The following CHRM3 variants were observed in gnomAD, a reference collection of about 807,000 sequenced individuals.
CHRM3 encodes the protein muscarinic acetylcholine receptor M3.
Under a neutral mutation model 41.8 loss-of-function variants are expected in CHRM3, and 11 were observed. That is an observed-to-expected ratio of 0.26 (90% confidence interval 0.17 to 0.44). The LOEUF is 0.44. Ranked by LOEUF, CHRM3 falls within the 20% of genes least tolerant of loss-of-function variation. The probability of loss-of-function intolerance (pLI) is 1.00; values close to 1 mark genes in which losing one functional copy is unlikely to be tolerated. For synonymous variants in CHRM3, 297 were observed against 301.4 expected, an observed-to-expected ratio of 0.99 and a Z score of 0.15; for missense variants, 571 against 745.4, an observed-to-expected ratio of 0.77 and a Z score of 2.72.
intron 4 of CHRM3, among the ~76,000 whole-genome samples, chr1:239,650,209 A>G (rs1290774005): frequency 1.3e-5 from 2 of 152,194 alleles, no homozygotes; most frequent in Non-Finnish European, 2.9e-5. Flanking sequence ...CTTCTGTAAC[A>G]TGGAGATGAT....
chr1:239,486,988 T>G (rs2148035731), intron 1 of CHRM3, among the ~76,000 whole-genome samples: 1 of 152,370 alleles, frequency 6.6e-6, no homozygotes. Flanking sequence ...GATTTTGACA[T>G]TTATTGCAAT....
intron 1 of CHRM3, among the ~76,000 whole-genome samples, chr1:239,468,233 T>A (rs1332499598): frequency 6.6e-6 from 1 of 152,200 alleles, no homozygotes; most frequent in African/African-American, 2.4e-5. Flanking sequence ...TGCCATTTTT[T>A]AAATTGATAA....
chr1:239,844,413 C>T (rs74149241), intron 6 of CHRM3, among the ~76,000 whole-genome samples: 7,091 of 152,210 alleles, frequency 0.047, 486 homozygotes, highest in African/African-American at 0.15. Context: ...GAAAGAAATA[C>T]AGTATCTAGA....
intron 1 of CHRM3, among the ~76,000 whole-genome samples, chr1:239,414,011 T>A (rs1661309748): frequency 6.6e-6 from 1 of 152,182 alleles, no homozygotes; most frequent in Admixed American, 6.5e-5. Context: ...GGGTTCCTGA[T>A]GGAAAGAATT....
chr1:239,541,665 C>T (rs991041813), intron 2 of CHRM3, among the ~76,000 whole-genome samples: 1 of 152,086 alleles, frequency 6.6e-6, no homozygotes. Context: ...GCGTGTGCCA[C>T]TGCGCCAGGC....
chr1:239,886,863 C>A (rs1404279249), intron 6 of CHRM3, among the ~76,000 whole-genome samples: 2 of 152,168 alleles, frequency 1.3e-5, no homozygotes, highest in African/African-American at 4.8e-5. Context: ...ACTTGGAGAA[C>A]AACCCTCCAT....
chr1:239,565,513 GT>G (rs1440969720), intron 3 of CHRM3, among the ~76,000 whole-genome samples: 2 of 152,072 alleles, frequency 1.3e-5, no homozygotes, highest in Non-Finnish European at 2.9e-5. Flanking sequence ...ATGAAACTGT[GT>G]TGTTCTGTGC....
At chr1:239,799,484 T>C (rs760223720) in intron 5 of CHRM3, among the ~76,000 whole-genome samples, 20 of 152,134 alleles carry the variant, frequency 1.3e-4, no homozygotes, top group Non-Finnish European at 1.9e-4. Context: ...AGCCCGCTCA[T>C]GGAATCCCTC....
At chr1:239,658,080 A>G (rs956511198) in intron 4 of CHRM3, among the ~76,000 whole-genome samples, 35 of 152,184 alleles carry the variant, frequency 2.3e-4, no homozygotes, top group African/African-American at 8.2e-4. Flanking sequence ...TAATGGTTCT[A>G]TCTCTCAAAG....
At chr1:239,494,621 G>A (rs1251247585) in intron 2 of CHRM3, among the ~76,000 whole-genome samples, 1 of 151,998 alleles carries the variant, frequency 6.6e-6, no homozygotes, top group Non-Finnish European at 1.5e-5. Flanking sequence ...ATGCCCTGGT[G>A]GTTTGCTGCA....
chr1:239,533,119 CT>C (rs1020579917), intron 2 of CHRM3, among the ~76,000 whole-genome samples: 1 of 151,962 alleles, frequency 6.6e-6, no homozygotes, highest in African/African-American at 2.4e-5. Context: ...TCTGTCCCTT[CT>C]TTTCATAAAT....
chr1:239,570,223 GCAGTTT>G (rs1310057213), intron 3 of CHRM3, among the ~76,000 whole-genome samples: 1 of 152,086 alleles, frequency 6.6e-6, no homozygotes, highest in Admixed American at 6.6e-5. Flanking sequence ...TTTATAAATG[GCAGTTT>G]CCCCTGGGCT....
At chr1:239,576,594 GCACACA>G (rs3063538) in intron 3 of CHRM3, among the ~76,000 whole-genome samples, 131 of 141,784 alleles carry the variant, frequency 9.2e-4, no homozygotes, top group African/African-American at 3.0e-3. Context: ...ACACACACAC[GCACACA>G]CACACACACA....
At chr1:239,732,958 A>G (rs1202547130) in intron 5 of CHRM3, among the ~76,000 whole-genome samples, 1 of 151,982 alleles carries the variant, frequency 6.6e-6, no homozygotes, top group Non-Finnish European at 1.5e-5. Context: ...TTAGATAAGT[A>G]TACCTAATAT....
Position 239,680,578 on chromosome 1 carries a change from C to T in CHRM3, c.-147+2290C>T, listed in dbSNP as rs370664510. 1.6e-4 allele frequency among the ~76,000 whole-genome samples: 25 copies of T among 152,152 alleles called. No homozygotes were observed. The East Asian group carries it at 2.1e-3, about 13-fold the overall frequency. On this transcript the variant is annotated intron_variant, in intron 5 of 6. Coordinates refer to ENST00000676153, the MANE Select transcript of CHRM3 (RefSeq NM_001375978.1). ...ATGTTGTAATTTGGTAGTGACACTA[C>T]GATAAGATTAATTTTATGTCACAGC...
chr1:239,686,601 T>C (rs1659172663), intron 5 of CHRM3, among the ~76,000 whole-genome samples: 1 of 152,194 alleles, frequency 6.6e-6, no homozygotes, highest in African/African-American at 2.4e-5. Context: ...TCAATTTCAT[T>C]TATTGCTACT....
intron 1 of CHRM3, among the ~76,000 whole-genome samples, chr1:239,485,268 C>A (rs1667111844): frequency 6.6e-6 from 1 of 152,094 alleles, no homozygotes; most frequent in Non-Finnish European, 1.5e-5. Context: ...GTCAGCATCA[C>A]ACATGAACAG....
chr1:239,413,379 T>G (rs1026170587), intron 1 of CHRM3, among the ~76,000 whole-genome samples: 2 of 152,210 alleles, frequency 1.3e-5, no homozygotes, highest in Admixed American at 1.3e-4. Context: ...AACCTCTGCC[T>G]CCCGGATTCA....
At chr1:239,735,012 G>A (rs1664281064) in intron 5 of CHRM3, among the ~76,000 whole-genome samples, 1 of 152,060 alleles carries the variant, frequency 6.6e-6, no homozygotes, top group Non-Finnish European at 1.5e-5. Flanking sequence ...GCTCCAAAAG[G>A]GTGGTTATGT....
Sources: allele counts gnomAD v4.1 joint callset (sites outside exome capture counted in the v4.1 genomes callset), GRCh38; gene constraint gnomAD v4.1.1; transcripts MANE v1.5; gene names NCBI Gene and HGNC (gene_info 2026-07-23, HGNC 2026-07-21).